The following TOGARAM1 variants were observed in gnomAD, a reference collection of about 807,000 sequenced individuals.
The protein encoded by TOGARAM1 is TOG array regulator of axonemal microtubules 1, also known as TOG array regulator of axonemal microtubules protein 1.
TOGARAM1 carries 100 observed loss-of-function variants against 166.6 expected under a neutral mutation model. That is an observed-to-expected ratio of 0.60 (90% CI 0.51 to 0.71). The LOEUF (loss-of-function observed/expected upper bound fraction) is 0.71, where lower values mean the gene tolerates loss of function less well. Among genes scored for constraint, TOGARAM1 ranks in the 30% least tolerant of loss-of-function variants. The probability of loss-of-function intolerance (pLI) is 0.00; values close to 1 mark genes in which losing one functional copy is unlikely to be tolerated. For synonymous variants in TOGARAM1, 758 were observed against 763.8 expected, an observed-to-expected ratio of 0.99 and a Z score of 0.13; for missense variants, 2,029 against 2,102.7, an observed-to-expected ratio of 0.96 and a Z score of 0.69.
At position 45,035,948 on chromosome 14, in the gene TOGARAM1, GAA is replaced by G. The variant is rs112836134; in HGVS notation, c.3812+3586_3812+3587del. ...GCAATATAGCAAGACCTCATCTCTA[GAA>G]AAAAAAAAAAAAAGAAAGAAAAAAA... On this transcript the variant is annotated intron_variant, in intron 11 of 19. Coordinates refer to ENST00000361462, the MANE Select transcript of TOGARAM1 (RefSeq NM_001308120.2). 7.3e-3 allele frequency among the ~76,000 whole-genome samples: 742 copies of G among 101,610 alleles called. 11 individuals are homozygous for G. The highest frequency in any genetic ancestry group is 0.022 in the African/African-American group (680 of 31,010). The allele number at this position is 101,610 out of a possible 152,430, so 66.7% of individuals were successfully genotyped here. A position where few individuals can be genotyped will look rare whatever the true frequency, so the allele number is the denominator to read the frequency against.
intron 1 of TOGARAM1, among the ~76,000 whole-genome samples, chr14:44,991,886 C>T (rs976518815): frequency 3.3e-5 from 5 of 151,244 alleles, no homozygotes; most frequent in African/African-American, 1.2e-4. Flanking sequence ...TTTAATTTTT[C>T]TTTTGATAAC....
chr14:45,032,068 G>A (rs927529811), intron 10 of TOGARAM1, among the ~76,000 whole-genome samples, 155 bp from the exon 11 acceptor site: 7 of 152,204 alleles, frequency 4.6e-5, no homozygotes, highest in African/African-American at 1.7e-4. Flanking sequence ...GTTGAGGCAG[G>A]AGAATTGCTT....
At chr14:45,056,258 A>G (rs1882632013) in intron 16 of TOGARAM1, among the ~76,000 whole-genome samples, 2 of 152,134 alleles carry the variant, frequency 1.3e-5, no homozygotes, top group African/African-American at 2.4e-5. Context: ...TCGCTTATCA[A>G]ATCTAAGAGT....
chr14:45,019,869 T>C (rs1880392195), intron 7 of TOGARAM1, among the ~76,000 whole-genome samples: 2 of 152,128 alleles, frequency 1.3e-5, no homozygotes, highest in South Asian at 4.1e-4. Flanking sequence ...TGATGACTGC[T>C]CTAACTGCTT....
At chr14:45,058,382 C>T (rs562166876) in intron 16 of TOGARAM1, among the ~76,000 whole-genome samples, 11 of 152,052 alleles carry the variant, frequency 7.2e-5, no homozygotes, top group Admixed American at 2.6e-4. Flanking sequence ...GCAACCTCCC[C>T]GTCCCAGGTT....
chr14:44,995,780 T>A lies in TOGARAM1; in HGVS notation c.2081T>A (p.Leu694Ter). The change falls in exon 2 of 20, where the codon TTA (leucine) becomes TAA (stop). Residue 694 changes from leucine to a stop codon, truncating the protein, a stop_gained. Transcript: ENST00000361462. LOFTEE classifies it high-confidence loss of function. Reference sequence around the variant, plus strand: ...TATGATTTCATCCCATCTGCAAAATTAAAGCTTTCTCAAGGAATGCCAGTC... The same window carrying A: ...TATGATTTCATCCCATCTGCAAAATAAAAGCTTTCTCAAGGAATGCCAGTC... ...STYDFIPSAK[L>*]KLSQGMPVND... 1 of 1,592,528 alleles carries A rather than the reference T, an allele frequency of 6.3e-7. No individual in the cohort carries two copies.
rs748580463 is a variant in TOGARAM1 at position 45,066,688 on chromosome 14, G to A, written c.4670G>A (p.Arg1557His). The A allele has an allele frequency of 2.1e-5, 34 of 1,613,802 alleles. No individual in the cohort carries two copies. Among genetic ancestry groups the A allele is most frequent in the South Asian group, 1.8e-4 (16 of 91,076 alleles). ...GGCTTATTAAATGCAAAAGACTTTC[G>A]TGATCGTATTAATGGGATTAAGCAG... Reference protein sequence around the residue: ...ITGLLNAKDFRDRINGIKQLL... With the variant: ...ITGLLNAKDFHDRINGIKQLL... The change falls in exon 17 of 20, where the codon CGT becomes CAT. Residue 1557 changes from arginine to histidine, a missense_variant. Physicochemically the swap from Arg to His is conservative, Grantham distance 29. Coordinates refer to ENST00000361462, the MANE Select transcript of TOGARAM1 (RefSeq NM_001308120.2).
chr14:44,964,003 C>T lies in TOGARAM1; in HGVS notation c.1582C>T (p.Gln528Ter). Residue 528 changes from glutamine to a stop codon, truncating the protein, a stop_gained, in exon 1 of 20, where the codon CAA (glutamine) becomes TAA (stop). Coordinates refer to ENST00000361462, the MANE Select transcript of TOGARAM1 (RefSeq NM_001308120.2). LOFTEE classifies it high-confidence loss of function. ...ALVDSKRRVRQAALEAFAVLA... is the reference protein window; with the variant it reads ...ALVDSKRRVR ...TGTAGATAGCAAACGCAGGGTACGCCAAGCAGCTTTAGAAGCTTTTGCCGT... is the reference window on the plus strand; with the variant it reads ...TGTAGATAGCAAACGCAGGGTACGCTAAGCAGCTTTAGAAGCTTTTGCCGT... 1 of 1,614,206 alleles carries T rather than the reference C, an allele frequency of 6.2e-7. No individual in the cohort carries two copies. The highest frequency in any genetic ancestry group is 1.1e-5 in the South Asian group (1 of 91,078).
chr14:44,978,209 A>G (rs1886320350), intron 1 of TOGARAM1: 2 of 152,200 alleles, frequency 1.3e-5, no homozygotes, highest in Non-Finnish European at 2.9e-5. Flanking sequence ...TCATTGGAGC[A>G]AAATACGAGG....
chr14:45,066,599 A>G lies in TOGARAM1; in HGVS notation c.4581A>G (p.Glu1527=). Residue 1527 remains glutamate, a synonymous_variant, in exon 17 of 20, where the codon GAA becomes GAG. Transcript: ENST00000361462. The part of the protein sequence containing the change: ...SAERAVTEVR[E]VTRKSVPRNS... ...TTAGAGCTGTAACTGAAGTTCGTGAAGTCACCAGAAAATCAGTCCCTCGTA... is the reference window on the plus strand; with the variant it reads ...TTAGAGCTGTAACTGAAGTTCGTGAGGTCACCAGAAAATCAGTCCCTCGTA... 1 of 1,608,350 alleles carries G rather than the reference A, an allele frequency of 6.2e-7. No homozygotes were observed.
chr14:45,056,818 C>T lies in TOGARAM1; in HGVS notation c.4559+2269C>T, dbSNP rs189663525. On this transcript the variant is annotated intron_variant, in intron 16 of 19. Transcript: ENST00000361462. ...TTAGGGGATGTTAGTCTGTAGCTTT[C>T]GTCTTTTGTTGTGTCTTTGCCTTGT... 2.6e-5 allele frequency among the ~76,000 whole-genome samples: 4 copies of T among 152,064 alleles called. No individual in the cohort carries two copies. The East Asian group carries it at 5.8e-4, about 22-fold the overall frequency.
At chr14:44,990,953 CTTTTTTT>C (rs1171702041) in intron 1 of TOGARAM1, among the ~76,000 whole-genome samples, 247 of 74,184 alleles carry the variant, frequency 3.3e-3, no homozygotes, top group African/African-American at 0.017. Flanking sequence ...CCAGCTGAGG[CTTTTTTT>C]TTTTTTTTTT....
rs772361106 is a variant in TOGARAM1, at chr14:45,012,070, G to A, written c.3233G>A (p.Ser1078Asn). ...TCTCATATTGCTGAACAAAGCCCCA[G>A]TGCAGGTATTCTATGTCTGTTTATA... ...KISHIAEQSP[S>N]AGSSSNPQQI... Residue 1078 changes from serine to asparagine, a missense_variant, in exon 7 of 20, where the codon AGT (serine) becomes AAT (asparagine). Around this residue, in one of 2 missense-constraint regions of TOGARAM1, gnomAD observed 1,453 missense variants for 1,432.2 expected, o/e 1.01. Coordinates refer to ENST00000361462, the MANE Select transcript of TOGARAM1 (RefSeq NM_001308120.2). The A allele has an allele frequency of 6.4e-7, 1 of 1,574,778 alleles. No homozygotes were observed. Among genetic ancestry groups the A allele is most frequent in the Non-Finnish European group, 8.6e-7 (1 of 1,157,716 alleles).
At chr14:44,968,157 G>A (rs940249096) in intron 1 of TOGARAM1, among the ~76,000 whole-genome samples, 4 of 152,114 alleles carry the variant, frequency 2.6e-5, no homozygotes, top group South Asian at 2.1e-4. Flanking sequence ...GGTCTTAGAA[G>A]AACTATTTTA....
At chr14:45,005,776 C>T (rs1341679571) in intron 4 of TOGARAM1, among the ~76,000 whole-genome samples, 4 of 152,178 alleles carry the variant, frequency 2.6e-5, no homozygotes, top group Admixed American at 6.5e-5. Context: ...TTATCACTTT[C>T]TCTTAGCACT....
intron 14 of TOGARAM1, among the ~76,000 whole-genome samples, chr14:45,047,802 T>A (rs1882149230): frequency 6.6e-6 from 1 of 152,084 alleles, no homozygotes; most frequent in Admixed American, 6.6e-5. Flanking sequence ...ACACCTGTAA[T>A]CCCAGCACTT....
intron 11 of TOGARAM1, among the ~76,000 whole-genome samples, chr14:45,041,173 C>A (rs138433309): frequency 6.6e-6 from 1 of 152,092 alleles, no homozygotes; most frequent in Non-Finnish European, 1.5e-5. Flanking sequence ...GAGGCCAAGG[C>A]GGGCAGATCA....
intron 1 of TOGARAM1, among the ~76,000 whole-genome samples, chr14:44,985,307 C>T (rs1886736220): frequency 6.6e-6 from 1 of 152,234 alleles, no homozygotes; most frequent in African/African-American, 2.4e-5. Flanking sequence ...GCCATTGTGC[C>T]TGGCTTTCAG....
At chr14:45,036,551 T>G (rs1881447285) in intron 11 of TOGARAM1, among the ~76,000 whole-genome samples, 2 of 152,210 alleles carry the variant, frequency 1.3e-5, no homozygotes, top group Non-Finnish European at 2.9e-5. Context: ...GCAAAGAATA[T>G]TAATGAGAGT....
Sources: gnomAD v4.1 joint callset for allele counts (sites outside exome capture counted in the v4.1 genomes callset) on GRCh38, gnomAD v4.1.1 for gene constraint, gnomAD v4.1.1 regional missense constraint, MANE v1.5 for transcripts, NCBI Gene and HGNC (gene_info 2026-07-23, HGNC 2026-07-21) for gene names.